CEP76: variants seen among roughly 807,000 people sequenced by gnomAD.
CEP76 encodes centrosomal protein of 76 kDa.
In CEP76, 55 loss-of-function variants were observed where a neutral mutation model predicts 83.3. The observed-to-expected ratio is 0.66, with a 90% CI of 0.53 to 0.83. The LOEUF is 0.83. Ranked by LOEUF, CEP76 falls within the 40% of genes least tolerant of loss-of-function variation. CEP76 has a pLI of 0.00. For synonymous variants in CEP76, 270 were observed against 274.5 expected (o/e 0.98, Z 0.16); for missense variants, 694 against 799.5 (o/e 0.87, Z 1.59).
At chr18:12,687,817 T>C (rs997875521) in intron 7 of CEP76, among the ~76,000 whole-genome samples, 16 of 152,132 alleles carry the variant, frequency 1.1e-4, no homozygotes, top group African/African-American at 3.9e-4. Context: ...TAGAGAACTA[T>C]GGTTTTCTTT....
chr18:12,683,368 AAAC>A (rs757531295), intron 8 of CEP76, among the ~76,000 whole-genome samples: 119 of 150,830 alleles, frequency 7.9e-4, no homozygotes, highest in Non-Finnish European at 8.1e-4. Context: ...AAACAAAAGA[AAAC>A]AACAACAACA....
At chr18:12,691,203 G>T in intron 7 of CEP76, 156 bp downstream of exon 7, 1 of 493,478 alleles carries the variant, frequency 2.0e-6, no homozygotes, top group Non-Finnish European at 3.5e-6. Flanking sequence ...CACTCACTAT[G>T]CAGTGAAAGA....
chr18:12,665,828 G>A (rs1327498420), intron 12 of CEP76, among the ~76,000 whole-genome samples: 1 of 152,114 alleles, frequency 6.6e-6, no homozygotes, highest in Non-Finnish European at 1.5e-5. Context: ...CTCCCGAGTA[G>A]CTGCGATTAC....
At chr18:12,695,851 TCC>T (rs1491299166) in intron 5 of CEP76, among the ~76,000 whole-genome samples, 4 of 110,680 alleles carry the variant, frequency 3.6e-5, no homozygotes, top group Middle Eastern at 0.011. Flanking sequence ...TCATTCCTTC[TCC>T]ACACACACAC....
intron 7 of CEP76, among the ~76,000 whole-genome samples, chr18:12,690,102 C>T (rs9945801): frequency 0.39 from 59,554 of 152,022 alleles, 12,075 homozygotes; most frequent in Non-Finnish European, 0.45. Context: ...AAGCCAGTTA[C>T]ATTTTGATTG....
chr18:12,702,288 G>C (rs1257112700), intron 1 of CEP76, 198 bp downstream of exon 1: 3 of 549,752 alleles, frequency 5.5e-6, no homozygotes, highest in African/African-American at 2.0e-5. Flanking sequence ...GCTAGCACCT[G>C]CTCGGCTCGT....
intron 12 of CEP76, among the ~76,000 whole-genome samples, chr18:12,663,303 G>A (rs2038736591): frequency 6.6e-6 from 1 of 152,100 alleles, no homozygotes; most frequent in Non-Finnish European, 1.5e-5. Context: ...TTTGAGACAG[G>A]CTCTTGAGGC....
chr18:12,695,420 C>A, intron 5 of CEP76, 69 bp from the exon 6 acceptor site: 2 of 631,742 alleles, frequency 3.2e-6, no homozygotes, highest in East Asian at 3.1e-5. Flanking sequence ...CAAAGTCTAA[C>A]CAAAATAATT....
In CEP76 at chr18:12,697,975, C is replaced by T. The variant is rs151174894; in HGVS notation, c.521-567G>A. ...GCTTAGTTTACAAATATAAAGATTT[C>T]CATACTGACAATTACAAAATACAAA... On this transcript the variant is annotated intron_variant, in intron 4 of 11. Coordinates refer to ENST00000262127, the MANE Select transcript of CEP76 (RefSeq NM_024899.4). Among the ~76,000 whole-genome samples, 58 of 151,942 alleles carry T rather than the reference C, an allele frequency of 3.8e-4. No individual in the cohort carries two copies. In the East Asian group the frequency reaches 9.7e-3, roughly 25 times the overall value.
chr18:12,692,867 G>A (rs2039817873), intron 6 of CEP76, among the ~76,000 whole-genome samples: 2 of 152,182 alleles, frequency 1.3e-5, no homozygotes, highest in Admixed American at 6.5e-5. Flanking sequence ...CTGTCACCCA[G>A]TCTGGAGTGC....
In CEP76 at chr18:12,700,929, C is replaced by CT. The variant is rs918002190; in HGVS notation, c.219+28dup. 3.8e-6 allele frequency: 6 copies of CT among 1,580,236 alleles called. No homozygotes were observed. The African/African-American group carries it at 8.1e-5, about 21-fold the overall frequency. Reference sequence around the variant, plus strand: ...ACGCATTAGTATATACATATATACTCTCATTTATTTCCCTAAAAGATTACT... The same window carrying CT: ...ACGCATTAGTATATACATATATACTCTTCATTTATTTCCCTAAAAGATTACT... On this transcript the variant is annotated intron_variant, in intron 2 of 11. Coordinates refer to ENST00000262127, the MANE Select transcript of CEP76 (RefSeq NM_024899.4).
chr18:12,692,720 C>T (rs1190010281), intron 6 of CEP76, among the ~76,000 whole-genome samples: 1 of 152,218 alleles, frequency 6.6e-6, no homozygotes, highest in African/African-American at 2.4e-5. Context: ...TCCTTGAGAG[C>T]AAGCTGTCTA....
At chr18:12,683,409 T>C (rs1487843423) in intron 8 of CEP76, among the ~76,000 whole-genome samples, 1 of 150,998 alleles carries the variant, frequency 6.6e-6, no homozygotes, top group Non-Finnish European at 1.5e-5. Flanking sequence ...AAAAAGAGCC[T>C]AACTTGGCAG....
chr18:12,683,819 T>G (rs2039439437), intron 8 of CEP76, among the ~76,000 whole-genome samples: 1 of 151,896 alleles, frequency 6.6e-6, no homozygotes, highest in African/African-American at 2.4e-5. Context: ...GCATAATGCT[T>G]AATTATAAAG....
At chr18:12,692,584 G>A (rs1354667523) in intron 6 of CEP76, among the ~76,000 whole-genome samples, 2 of 152,044 alleles carry the variant, frequency 1.3e-5, no homozygotes, top group South Asian at 2.1e-4. Context: ...TTAGTCACTC[G>A]ACCTATAATT....
chr18:12,688,892 G>T (rs2847305), intron 7 of CEP76, among the ~76,000 whole-genome samples: 21,542 of 151,884 alleles, frequency 0.14, 1,683 homozygotes, highest in East Asian at 0.23. Context: ...AGGCGGGCGG[G>T]TCATGAGGTC....
chr18:12,698,830 G>A, intron 4 of CEP76, 149 bp downstream of exon 4: 1 of 611,980 alleles, frequency 1.6e-6, no homozygotes, highest in Non-Finnish European at 2.9e-6. Flanking sequence ...AAGGTGGATA[G>A]TAGTTTAAAT....
intron 10 of CEP76, among the ~76,000 whole-genome samples, chr18:12,677,269 A>C (rs1039495733): frequency 2.0e-5 from 3 of 151,918 alleles, no homozygotes; most frequent in African/African-American, 4.8e-5. Context: ...GTGAAACCCT[A>C]TCTCTACAAA....
chr18:12,702,634 G>T lies in CEP76; in HGVS notation c.-86C>A. The T allele has an allele frequency of 7.0e-7, 1 of 1,438,412 alleles. No homozygotes were observed. The highest frequency in any genetic ancestry group is 1.3e-5 in the South Asian group (1 of 79,628). The allele number at this position is 1,438,412 out of a possible 1,614,324, so 89.1% of individuals were successfully genotyped here. A position where few individuals can be genotyped will look rare whatever the true frequency, so the allele number is the denominator to read the frequency against. On this transcript the variant is annotated 5_prime_UTR_variant, in exon 1 of 12. Coordinates refer to ENST00000262127, the MANE Select transcript of CEP76 (RefSeq NM_024899.4). ...CCGGCCGGGCCAGGGAGCGTTAGGA[G>T]CGACTGGAGCACAAAGCGCCGCAGC...
Sources: allele counts gnomAD v4.1 joint callset (sites outside exome capture counted in the v4.1 genomes callset), GRCh38; gene constraint gnomAD v4.1.1; transcripts MANE v1.5; gene names NCBI Gene and HGNC (gene_info 2026-07-23, HGNC 2026-07-21).